The following OTUD7B variants were observed in gnomAD, a reference collection of about 807,000 sequenced individuals.
OTUD7B encodes OTU deubiquitinase 7B.
Under a neutral mutation model 82.2 loss-of-function variants are expected in OTUD7B, and 34 were observed. The ratio of observed to expected loss-of-function variants is 0.41; its 90% CI spans 0.31 to 0.55. The LOEUF is 0.55. Among genes scored for constraint, OTUD7B ranks in the 20% least tolerant of loss-of-function variants. The probability of loss-of-function intolerance (pLI) is 0.20; values close to 1 mark genes in which losing one functional copy is unlikely to be tolerated. For synonymous variants in OTUD7B, 398 were observed against 402.7 expected, an observed-to-expected ratio of 0.99 and a Z score of 0.14; for missense variants, 944 against 1,062.1, an observed-to-expected ratio of 0.89 and a Z score of 1.55.
chr1:150,018,079 G>A, the OTUD7B span, among the ~76,000 whole-genome samples: 1 of 152,158 alleles, frequency 6.6e-6, no homozygotes, highest in Non-Finnish European at 1.5e-5. Context: ...ATTATTTTCA[G>A]TTGGAAAAAA....
At chr1:150,013,967 CACACACATATATATACACACACATATAT>C, upstream of OTUD7B, among the ~76,000 whole-genome samples, 1 of 132,700 alleles carries the variant, frequency 7.5e-6, no homozygotes, top group Non-Finnish European at 1.6e-5. Context: ...CACACACACA[CACACACATATATATACACACACATATAT>C]ACACACATAT....
the OTUD7B span, among the ~76,000 whole-genome samples, chr1:150,044,584 C>T: frequency 5.9e-5 from 9 of 151,526 alleles, no homozygotes; most frequent in Admixed American, 1.3e-4. Context: ...GTAGGAGAAT[C>T]GCTTGAACCC....
chr1:150,055,658 T>G, the OTUD7B span, among the ~76,000 whole-genome samples: 1 of 152,110 alleles, frequency 6.6e-6, no homozygotes, highest in South Asian at 2.1e-4. Context: ...AATGACAGAT[T>G]GGATAAAGAA....
At chr1:149,974,222 C>T (rs894296046) in intron 2 of OTUD7B, among the ~76,000 whole-genome samples, 17 of 152,146 alleles carry the variant, frequency 1.1e-4, no homozygotes, top group Non-Finnish European at 1.6e-4. Flanking sequence ...TGTGCCACCA[C>T]GCCCACCTAA....
the OTUD7B span, among the ~76,000 whole-genome samples, chr1:150,058,446 T>G: frequency 2.0e-5 from 3 of 152,156 alleles, no homozygotes; most frequent in Admixed American, 1.3e-4. Context: ...GAGTTTGAGG[T>G]TGCAGTAAGC....
At chr1:149,973,813 G>A (rs1553778058) in intron 2 of OTUD7B, among the ~76,000 whole-genome samples, 1 of 149,982 alleles carries the variant, frequency 6.7e-6, no homozygotes, top group African/African-American at 2.5e-5. Flanking sequence ...GAAAAAACAA[G>A]CAACAGAGAG....
intron 11 of OTUD7B, among the ~76,000 whole-genome samples, chr1:149,945,391 C>T (rs1647640746): frequency 6.6e-6 from 1 of 152,148 alleles, no homozygotes; most frequent in Non-Finnish European, 1.5e-5. Flanking sequence ...TAGAATAAAG[C>T]CTTACTGTTC....
the OTUD7B span, among the ~76,000 whole-genome samples, chr1:150,051,870 AAC>A: frequency 1.3e-5 from 2 of 152,232 alleles, no homozygotes; most frequent in Admixed American, 6.5e-5. Flanking sequence ...TACAATATTA[AAC>A]AGTCTTTCTA....
chr1:150,004,811 T>C (rs1214585381), intron 1 of OTUD7B, among the ~76,000 whole-genome samples: 2 of 152,238 alleles, frequency 1.3e-5, no homozygotes, highest in East Asian at 3.9e-4. Context: ...AATGTTTTGT[T>C]ATCCTCTTCA....
chr1:149,945,193 G>C, intron 11 of OTUD7B, 128 bp from the exon 12 acceptor site: 2 of 1,288,398 alleles, frequency 1.6e-6, no homozygotes, highest in Non-Finnish European at 2.1e-6. Context: ...AAATTAGCCA[G>C]GTAGAAAAGG....
intron 7 of OTUD7B, among the ~76,000 whole-genome samples, chr1:149,951,167 T>C (rs1648216797): frequency 6.6e-6 from 1 of 151,874 alleles, no homozygotes; most frequent in Non-Finnish European, 1.5e-5. Flanking sequence ...GTATATTTAG[T>C]AGAGATGGGG....
At position 149,947,324 on chromosome 1, in the gene OTUD7B, G is replaced by A. The variant is rs201317692; in HGVS notation, c.1250C>T (p.Ser417Phe). ...DNVRLASVIL[S>F]LEVKLHLLHS... ...CAGCAGATGCAATTTGACCTCTAGG[G>A]ACAGAATTACACTATGAAAAAGAGA... Residue 417 changes from serine to phenylalanine, a missense_variant, in exon 11 of 12, where the codon TCC becomes TTC. Ser to Phe is a radical substitution (Grantham distance 155). Around this residue, in one of 3 missense-constraint regions of OTUD7B, gnomAD observed 530 missense variants for 625.6 expected, o/e 0.85. Transcript: ENST00000581312. 648 of 1,598,786 alleles carry A rather than the reference G, an allele frequency of 4.1e-4. 1 individual carries two copies. Among genetic ancestry groups the A allele is most frequent in the Admixed American group, 1.0e-3 (60 of 59,966 alleles).
At chr1:149,993,380 C>T (rs1212119005) in intron 1 of OTUD7B, among the ~76,000 whole-genome samples, 1 of 152,188 alleles carries the variant, frequency 6.6e-6, no homozygotes, top group African/African-American at 2.4e-5. Context: ...GAAGGGGATG[C>T]ATCAGCCAAT....
chr1:149,944,167 G>C lies in OTUD7B; in HGVS notation c.2222C>G (p.Pro741Arg). The change falls in exon 12 of 12, where the codon CCC becomes CGC. Residue 741 changes from proline to arginine, a missense_variant. Coordinates refer to ENST00000581312, the MANE Select transcript of OTUD7B (RefSeq NM_020205.4). The part of the protein sequence containing the change: ...PRQCPPGRPY[P>R]HQDSIPSLEP... ...CAGAGAAGGGATGCTGTCCTGGTGG[G>C]GGTAGGGTCGCCCAGGAGGGCACTG... 6.2e-7 allele frequency: 1 copy of C among 1,613,974 alleles called. No individual in the cohort carries two copies. The highest frequency in any genetic ancestry group is 8.5e-7 in the Non-Finnish European group (1 of 1,179,890).
the OTUD7B span, among the ~76,000 whole-genome samples, chr1:150,018,061 T>A: frequency 6.6e-6 from 1 of 152,148 alleles, no homozygotes; most frequent in Non-Finnish European, 1.5e-5. Flanking sequence ...GAGATGTCAA[T>A]GGAAGTCATT....
upstream of OTUD7B, among the ~76,000 whole-genome samples, chr1:150,013,947 TACACACACACAC>T (rs1219362552): frequency 9.6e-6 from 1 of 104,396 alleles, no homozygotes; most frequent in African/African-American, 3.6e-5. Context: ...AATATATATA[TACACACACACAC>T]ACACACACAC....
At chr1:149,993,746 T>C (rs587662252) in intron 1 of OTUD7B, among the ~76,000 whole-genome samples, 1 of 152,346 alleles carries the variant, frequency 6.6e-6, no homozygotes, top group South Asian at 2.1e-4. Flanking sequence ...CTGATCTACA[T>C]CGATACATTT....
chr1:150,066,236 C>G, the OTUD7B span, among the ~76,000 whole-genome samples: 1 of 152,080 alleles, frequency 6.6e-6, no homozygotes, highest in Non-Finnish European at 1.5e-5. The surrounding 1 kb of genome is among the most constrained non-coding windows in gnomAD (Gnocchi z 4.6). Flanking sequence ...TTTTCATTAG[C>G]GTTGTTTCCA....
rs1324243152 is a variant in OTUD7B at position 149,945,366 on chromosome 1, G to A, written c.1324-301C>T. ...CCCCACTGCAATCTGACTCCCTTCT[G>A]TAATAAGGAGATAGTAGAATAAAGC... On this transcript the variant is annotated intron_variant, in intron 11 of 11. Coordinates refer to ENST00000581312, the MANE Select transcript of OTUD7B (RefSeq NM_020205.4). 2.0e-5 allele frequency among the ~76,000 whole-genome samples: 3 copies of A among 152,166 alleles called. No individual in the cohort carries two copies. The East Asian group carries it at 5.8e-4, about 29-fold the overall frequency.
Sources: allele counts gnomAD v4.1 joint callset (sites outside exome capture counted in the v4.1 genomes callset), GRCh38; gene constraint gnomAD v4.1.1; regional missense constraint gnomAD v4.1.1; non-coding constraint Gnocchi (gnomAD v3.1); transcripts MANE v1.5; gene names NCBI Gene and HGNC (gene_info 2026-07-23, HGNC 2026-07-21).